Variants in KCNT1 observed in about 807,000 individuals in gnomAD.
KCNT1 encodes the protein potassium sodium-activated channel subfamily T member 1.
In KCNT1, 78 loss-of-function variants were observed where a neutral mutation model predicts 147.8. The observed-to-expected ratio is 0.53, with a 90% CI of 0.44 to 0.64. KCNT1 has a LOEUF of 0.64. KCNT1 is among the 30% of genes least tolerant of loss of function. The pLI, the probability that KCNT1 is intolerant of heterozygous loss-of-function variation, is 0.00. For missense variants in KCNT1, 1,419 were observed against 1,750.3 expected, an observed-to-expected ratio of 0.81 and a Z score of 3.38; for synonymous variants, 867 against 748.8, an observed-to-expected ratio of 1.16 and a Z score of -2.58.
rs779639843 is a variant in KCNT1 at position 135,770,924 on chromosome 9, C to T, written c.1837C>T (p.Arg613Trp). The T allele has an allele frequency of 1.8e-5, 29 of 1,611,824 alleles. No homozygotes were observed. The highest frequency in any genetic ancestry group is 2.2e-5 in the East Asian group (1 of 44,802). Residue 613 changes from arginine to tryptophan, a missense_variant, in exon 18 of 31, where the codon CGG (arginine) becomes TGG (tryptophan). Physicochemically the swap from Arg to Trp is moderately radical, Grantham distance 101. This residue lies in a region of KCNT1 where 284 missense variants were observed against 292.8 expected (regional missense o/e 0.97). Coordinates refer to ENST00000371757, the MANE Select transcript of KCNT1 (RefSeq NM_020822.3). Reference sequence around the variant, plus strand: ...GAGCATCCTGCTGAACCCGGGGCCCCGGCACATCCTGGCCGCCTCTGACAC... The same window carrying T: ...GAGCATCCTGCTGAACCCGGGGCCCTGGCACATCCTGGCCGCCTCTGACAC... Reference protein sequence around the residue: ...NKSILLNPGPRHILAASDTCF... With the variant: ...NKSILLNPGPWHILAASDTCF...
At chr9:135,727,013 T>C (rs1287887097) in intron 2 of KCNT1, among the ~76,000 whole-genome samples, 18 of 38,840 alleles carry the variant, frequency 4.6e-4, no homozygotes, top group East Asian at 1.7e-3. Context: ...CTCTTTCCCA[T>C]TCTCCCTCTC....
At chr9:135,779,329 G>A (rs764340586) in intron 23 of KCNT1, 30 bp from the exon 24 acceptor site, 4 of 1,442,690 alleles carry the variant, frequency 2.8e-6, no homozygotes, top group South Asian at 2.3e-5. Flanking sequence ...ACCACCATGG[G>A]CCCCGCCCTG....
At chr9:135,720,541 T>C (rs539296) in intron 2 of KCNT1, among the ~76,000 whole-genome samples, 1 of 150,016 alleles carries the variant, frequency 6.7e-6, no homozygotes. Context: ...CCCACCCCCA[T>C]CATCCTGCCC....
intron 2 of KCNT1, among the ~76,000 whole-genome samples, chr9:135,735,869 A>G (rs1441203304): frequency 6.6e-6 from 1 of 152,122 alleles, no homozygotes; most frequent in Non-Finnish European, 1.5e-5. Context: ...CCCGGTGCCA[A>G]TACCCCCCGG....
At position 135,734,583 on chromosome 9, in the gene KCNT1, G is replaced by A. The variant is rs555880314; in HGVS notation, c.255-15515G>A. Among the ~76,000 whole-genome samples, 9 of 152,298 alleles carry A rather than the reference G, an allele frequency of 5.9e-5. No homozygotes were observed. In the East Asian group the frequency reaches 1.5e-3, roughly 26 times the overall value. On this transcript the variant is annotated intron_variant, in intron 2 of 30. Coordinates refer to ENST00000371757, the MANE Select transcript of KCNT1 (RefSeq NM_020822.3). ...ACTCCATGGACAACACGGCACAGATGTTCTCTTGTCACATAACTCTCATCC... is the reference window on the plus strand; with the variant it reads ...ACTCCATGGACAACACGGCACAGATATTCTCTTGTCACATAACTCTCATCC...
At chr9:135,713,833 G>T (rs2131327453) in intron 1 of KCNT1, among the ~76,000 whole-genome samples, 1 of 152,312 alleles carries the variant, frequency 6.6e-6, no homozygotes, top group East Asian at 1.9e-4. Context: ...GGGCCCCCAA[G>T]AACTGCAGAC....
At chr9:135,761,871 G>A (rs867584601) in intron 11 of KCNT1, among the ~76,000 whole-genome samples, 20 of 152,122 alleles carry the variant, frequency 1.3e-4, no homozygotes, top group Non-Finnish European at 2.5e-4. Context: ...CTCCACCTTC[G>A]GGCTGCGTCC....
Position 135,760,235 on chromosome 9 carries a change from G to A in KCNT1, c.1035+376G>A, listed in dbSNP as rs1462699766. Among the ~76,000 whole-genome samples the A allele has an allele frequency of 5.3e-5, 8 of 152,328 alleles. No homozygotes were observed. In the East Asian group the frequency reaches 1.4e-3, roughly 26 times the overall value. On this transcript the variant is annotated intron_variant, in intron 11 of 30. Coordinates refer to ENST00000371757, the MANE Select transcript of KCNT1 (RefSeq NM_020822.3). ...CAGCAGCAGCTGCCAGGCCCACAGG[G>A]GGCACACCCCCCCGGCCACCCCAGT... is the stretch of plus-strand genomic sequence containing the variant.
chr9:135,758,384 G>C (rs999685145), intron 9 of KCNT1, 30 bp from the exon 10 acceptor site: 1 of 1,562,732 alleles, frequency 6.4e-7, no homozygotes, highest in Admixed American at 1.7e-5. Context: ...CACAGTCCCT[G>C]CCCGCTGACA....
At position 135,714,490 on chromosome 9, in the gene KCNT1, G is replaced by T. The variant is rs1301757337; in HGVS notation, c.111-87G>T. On this transcript the variant is annotated intron_variant, in intron 1 of 30. Coordinates refer to ENST00000371757, the MANE Select transcript of KCNT1 (RefSeq NM_020822.3). The surrounding 1 kb of genome is among the most constrained non-coding windows in gnomAD (Gnocchi z 6.2). Reference sequence around the variant, plus strand: ...GGTCGCGGTGGCCGCGGGCTGCGCTGCGCGGGCCGGGCCTGGCGGGCCGGG... The same window carrying T: ...GGTCGCGGTGGCCGCGGGCTGCGCTTCGCGGGCCGGGCCTGGCGGGCCGGG... 7.7e-6 allele frequency: 7 copies of T among 903,900 alleles called. No individual in the cohort carries two copies. The highest frequency in any genetic ancestry group is 5.5e-4 in the Middle Eastern group (1 of 1,812). 56.0% of individuals were successfully genotyped at this position (903,900 alleles called of 1,614,324 possible).
rs773575309 is a variant in KCNT1 at position 135,786,520 on chromosome 9, C to T, written c.3501C>T (p.Tyr1167=). 7.4e-5 allele frequency: 117 copies of T among 1,589,302 alleles called. 1 individual carries two copies. Among genetic ancestry groups the T allele is most frequent in the Non-Finnish European group, 6.0e-5 (70 of 1,171,434 alleles). ...ACCTGGGGCTGCCCACCACCGGCTACGGTAAGGGCACACGGCGCGGGTGGG... is the reference window on the plus strand; with the variant it reads ...ACCTGGGGCTGCCCACCACCGGCTATGGTAAGGGCACACGGCGCGGGTGGG... ...MKHLGLPTTG[Y]DEMNDHQNTL... is the part of the protein sequence containing the mutation. The change falls in exon 29 of 31, where the codon TAC becomes TAT. Residue 1167 remains tyrosine, a splice_region_variant and synonymous_variant. Transcript: ENST00000371757.
intron 13 of KCNT1, among the ~76,000 whole-genome samples, chr9:135,767,776 C>G (rs1832389231): frequency 6.6e-6 from 1 of 152,046 alleles, no homozygotes; most frequent in Non-Finnish European, 1.5e-5. Context: ...CGCACGACCT[C>G]CTGATGCCCC....
intron 10 of KCNT1, 78 bp from the exon 11 acceptor site, chr9:135,759,601 G>A (rs1220841548): frequency 6.8e-7 from 1 of 1,468,964 alleles, no homozygotes; most frequent in African/African-American, 1.4e-5. Context: ...AGGGTCCCGT[G>A]GGCAGGCAGG....
chr9:135,732,036 A>AGAGAGAGG (rs1471974281), intron 2 of KCNT1, among the ~76,000 whole-genome samples: 3 of 137,260 alleles, frequency 2.2e-5, no homozygotes, highest in Non-Finnish European at 3.2e-5. Context: ...AGAGAGAGAG[A>AGAGAGAGG]GAGAGGGAGT....
chr9:135,747,349 G>T (rs567576928), intron 2 of KCNT1, among the ~76,000 whole-genome samples: 1 of 152,036 alleles, frequency 6.6e-6, no homozygotes, highest in Non-Finnish European at 1.5e-5. Context: ...GTAGGGAGGC[G>T]GGGAGGGTGG....
chr9:135,783,212 G>A (rs145307879), intron 24 of KCNT1, among the ~76,000 whole-genome samples: 10 of 152,340 alleles, frequency 6.6e-5, no homozygotes, highest in East Asian at 3.9e-4. Context: ...CACGGGCCTC[G>A]AGATGGGAGA....
At chr9:135,758,768 A>AGAGAAGGGAC (rs1277663817) in intron 10 of KCNT1, among the ~76,000 whole-genome samples, 54 of 152,194 alleles carry the variant, frequency 3.5e-4, no homozygotes, top group Non-Finnish European at 6.5e-4. Context: ...TTCCTGGTCT[A>AGAGAAGGGAC]TGCCATGGAC....
At chr9:135,718,839 G>A (rs1309191260) in intron 2 of KCNT1, among the ~76,000 whole-genome samples, 2 of 152,240 alleles carry the variant, frequency 1.3e-5, no homozygotes, top group Non-Finnish European at 2.9e-5. Flanking sequence ...TCCATCGCCC[G>A]TGGCCTTGGA....
intron 2 of KCNT1, among the ~76,000 whole-genome samples, chr9:135,744,474 CT>C: frequency 6.6e-6 from 1 of 152,320 alleles, no homozygotes; most frequent in African/African-American, 2.4e-5. Flanking sequence ...CCTTGCAGGA[CT>C]GGGGCAGAGC....
Sources: allele counts gnomAD v4.1 joint callset (sites outside exome capture counted in the v4.1 genomes callset), GRCh38; gene constraint gnomAD v4.1.1; regional missense constraint gnomAD v4.1.1; non-coding constraint Gnocchi (gnomAD v3.1); transcripts MANE v1.5; gene names NCBI Gene and HGNC (gene_info 2026-07-23, HGNC 2026-07-21).